CCDC30: variants seen among roughly 807,000 people sequenced by gnomAD.
CCDC30 encodes the protein coiled-coil domain-containing protein 30.
CCDC30 carries 70 observed loss-of-function variants against 100.2 expected under a neutral mutation model. The observed-to-expected ratio is 0.70, with a 90% CI of 0.58 to 0.85. The LOEUF is 0.85. Among genes scored for constraint, CCDC30 ranks in the 40% least tolerant of loss-of-function variants. The pLI is 0.00. For missense variants in CCDC30, 652 were observed against 771.2 expected, an observed-to-expected ratio of 0.85 and a Z score of 1.83; for synonymous variants, 233 against 269.5, an observed-to-expected ratio of 0.86 and a Z score of 1.33.
intron 6 of CCDC30, among the ~76,000 whole-genome samples, chr1:42,555,633 G>C (rs1256422081): frequency 6.6e-6 from 1 of 152,140 alleles, no homozygotes; most frequent in African/African-American, 2.4e-5. Context: ...GAAAACCTGT[G>C]ATGGGTCATC....
chr1:42,609,314 T>C (rs6659341), intron 10 of CCDC30, among the ~76,000 whole-genome samples: 6,462 of 152,316 alleles, frequency 0.042, 443 homozygotes, highest in African/African-American at 0.14. Context: ...TTTTCTCTAG[T>C]TTACTTTATT....
intron 2 of CCDC30, among the ~76,000 whole-genome samples, chr1:42,481,516 G>A (rs879849515): frequency 4.7e-5 from 7 of 148,698 alleles, no homozygotes; most frequent in Non-Finnish European, 1.0e-4. Context: ...GGCGTAGGTT[G>A]CAGTGAGCCG....
intron 3 of CCDC30, 122 bp from the exon 4 acceptor site, chr1:42,490,036 G>A (rs1240708247): frequency 6.3e-5 from 23 of 364,552 alleles, no homozygotes; most frequent in Non-Finnish European, 1.0e-4. Flanking sequence ...TGACATTTAA[G>A]CAGAAACTCC....
intron 11 of CCDC30, among the ~76,000 whole-genome samples, chr1:42,621,034 G>C (rs951821194): frequency 1.3e-5 from 2 of 152,192 alleles, no homozygotes; most frequent in Admixed American, 1.3e-4. Context: ...AATGTAAGTA[G>C]AGAATTTATT....
exon 13 of CCDC30, chr1:42,642,589 G>C: frequency 6.3e-7 from 1 of 1,597,808 alleles, no homozygotes; most frequent in Non-Finnish European, 8.5e-7. Flanking sequence ...ACAAATGGAC[G>C]ATATCTTCCA....
chr1:42,479,744 T>A (rs1431181893), intron 1 of CCDC30, among the ~76,000 whole-genome samples: 1 of 152,068 alleles, frequency 6.6e-6, no homozygotes, highest in African/African-American at 2.4e-5. Flanking sequence ...AGGATAGATA[T>A]GCTATGCTAT....
At chr1:42,612,618 T>G (rs1204789222) in intron 11 of CCDC30, among the ~76,000 whole-genome samples, 1 of 152,158 alleles carries the variant, frequency 6.6e-6, no homozygotes, top group African/African-American at 2.4e-5. Context: ...TTCTTGGGGG[T>G]CTCAATGAGA....
At chr1:42,524,178 T>C (rs1487771883) in intron 6 of CCDC30, among the ~76,000 whole-genome samples, 1 of 151,958 alleles carries the variant, frequency 6.6e-6, no homozygotes, top group African/African-American at 2.4e-5. Flanking sequence ...AAATTGAACA[T>C]CTGAATCTAA....
At chr1:42,472,223 A>G (rs1264573942) in intron 1 of CCDC30, among the ~76,000 whole-genome samples, 3 of 152,222 alleles carry the variant, frequency 2.0e-5, no homozygotes, top group Non-Finnish European at 4.4e-5. Context: ...ACTGCACTCC[A>G]GCCTGGGCAA....
chr1:42,530,016 C>T (rs1034394988), intron 6 of CCDC30, among the ~76,000 whole-genome samples: 1 of 152,184 alleles, frequency 6.6e-6, no homozygotes, highest in East Asian at 1.9e-4. Flanking sequence ...ATCATCCCTT[C>T]GACCAGTGCA....
chr1:42,599,666 C>T (rs1401595107), intron 10 of CCDC30, among the ~76,000 whole-genome samples: 1 of 152,034 alleles, frequency 6.6e-6, no homozygotes, highest in Non-Finnish European at 1.5e-5. Flanking sequence ...TACAAGAAGC[C>T]CACTTTAAAT....
intron 6 of CCDC30, among the ~76,000 whole-genome samples, chr1:42,504,550 G>A (rs763102533): frequency 5.9e-5 from 9 of 152,130 alleles, no homozygotes; most frequent in Non-Finnish European, 1.2e-4. Flanking sequence ...CATTCCAATG[G>A]GTTGTAATAC....
At chr1:42,548,746 T>G (rs1645192360) in intron 6 of CCDC30, among the ~76,000 whole-genome samples, 1 of 152,068 alleles carries the variant, frequency 6.6e-6, no homozygotes, top group Admixed American at 6.6e-5. Context: ...TCATGGGTGG[T>G]CTCTATGGGA....
At chr1:42,602,811 A>G (rs1185816717) in intron 10 of CCDC30, among the ~76,000 whole-genome samples, 1 of 152,188 alleles carries the variant, frequency 6.6e-6, no homozygotes, top group East Asian at 1.9e-4. Flanking sequence ...TTCCCTTCAT[A>G]CCAAAACCAA....
intron 11 of CCDC30, among the ~76,000 whole-genome samples, chr1:42,620,494 G>A (rs919844805): frequency 2.0e-5 from 3 of 152,024 alleles, no homozygotes; most frequent in African/African-American, 7.2e-5. Flanking sequence ...AAGAGTGTGG[G>A]GAAATACCTA....
rs144842473 is a variant in CCDC30, at chr1:42,551,265, T to G, written c.457-15031T>G. Reference sequence around the variant, plus strand: ...TGTACTGTGCTCTTTCTTGAATCTGTATATGTTTGAGACTGCTGTGCATGT... The same window carrying G: ...TGTACTGTGCTCTTTCTTGAATCTGGATATGTTTGAGACTGCTGTGCATGT... On this transcript the variant is annotated intron_variant, in intron 6 of 16. Transcript: ENST00000668663. Among the ~76,000 whole-genome samples the G allele has an allele frequency of 1.0e-3, 153 of 152,270 alleles. 2 individuals are homozygous for G. The highest frequency in any genetic ancestry group is 3.6e-3 in the African/African-American group (148 of 41,564).
chr1:42,519,670 G>C (rs1048463285), intron 6 of CCDC30, among the ~76,000 whole-genome samples: 2 of 152,114 alleles, frequency 1.3e-5, no homozygotes, highest in African/African-American at 4.8e-5. Flanking sequence ...TCCTGCCTCA[G>C]GCTCCCAAGT....
At chr1:42,504,463 CT>C (rs1302907171) in intron 6 of CCDC30, among the ~76,000 whole-genome samples, 1 of 152,172 alleles carries the variant, frequency 6.6e-6, no homozygotes, top group Non-Finnish European at 1.5e-5. Flanking sequence ...TGGGGCTTCT[CT>C]TAGGGTCCTC....
rs776412637 is a variant in CCDC30, at chr1:42,538,149, C to CAAAAAAAAA, written c.457-28124_457-28116dup. Among the ~76,000 whole-genome samples the CAAAAAAAAA allele has an allele frequency of 3.4e-4, 28 of 82,366 alleles. 3 individuals carry two copies. The highest frequency in any genetic ancestry group is 1.4e-3 in the African/African-American group (21 of 15,224). The allele number at this position is 82,366 out of a possible 152,430, so 54.0% of individuals were successfully genotyped here. On this transcript the variant is annotated intron_variant, in intron 6 of 16. Transcript: ENST00000668663. ...GCAACATAGTGGGACACTGTCTCCA[C>CAAAAAAAAA]AAAAAAAAAAAAAAAAAAAAAAAAA...
Sources: allele counts gnomAD v4.1 joint callset (sites outside exome capture counted in the v4.1 genomes callset), GRCh38; gene constraint gnomAD v4.1.1; transcripts MANE v1.5; gene names NCBI Gene and HGNC (gene_info 2026-07-23, HGNC 2026-07-21).